Variants in FHIT observed in about 807,000 individuals in gnomAD.
The protein encoded by FHIT is fragile histidine triad diadenosine triphosphatase, also known as bis(5'-adenosyl)-triphosphatase.
Under a neutral mutation model 17.9 loss-of-function variants are expected in FHIT, and 19 were observed. That is an observed-to-expected ratio of 1.06 (90% CI 0.74 to 1.56). FHIT has a LOEUF of 1.56. FHIT is among the 40% of genes most tolerant of loss of function. FHIT has a pLI of 0.00. For synonymous variants in FHIT, 81 were observed against 69.7 expected (o/e 1.16, Z -0.81); for missense variants, 248 against 189.2 (o/e 1.31, Z -1.82).
intron 5 of FHIT, among the ~76,000 whole-genome samples, chr3:60,423,194 C>G (rs1282027910): frequency 6.6e-6 from 1 of 151,990 alleles, no homozygotes; most frequent in African/African-American, 2.4e-5. Context: ...AATTCAGGTC[C>G]TTGAGTAGAG....
intron 3 of FHIT, among the ~76,000 whole-genome samples, chr3:60,961,139 A>G (rs147316469): frequency 0.37 from 56,428 of 151,942 alleles, 11,306 homozygotes; most frequent in East Asian, 0.6. Flanking sequence ...ATGGTGTGAG[A>G]TGGTATCTCA....
intron 5 of FHIT, among the ~76,000 whole-genome samples, chr3:60,250,935 T>C (rs1705677602): frequency 6.6e-6 from 1 of 152,132 alleles, no homozygotes. Context: ...AAAAACTCAT[T>C]GTCTGAGTGG....
At chr3:59,775,983 C>A (rs1390196463) in intron 8 of FHIT, among the ~76,000 whole-genome samples, 1 of 152,242 alleles carries the variant, frequency 6.6e-6, no homozygotes, top group Non-Finnish European at 1.5e-5. Flanking sequence ...CATGATGGAG[C>A]ACATTATCCC....
chr3:60,219,989 G>A (rs1443380420), intron 5 of FHIT, among the ~76,000 whole-genome samples: 2 of 152,098 alleles, frequency 1.3e-5, no homozygotes, highest in Non-Finnish European at 2.9e-5. Context: ...AAAATCCTTT[G>A]GAGTGGCTCA....
At position 59,876,594 on chromosome 3, in the gene FHIT, T is replaced by C. The variant is rs553190983; in HGVS notation, c.348+45752A>G. Among the ~76,000 whole-genome samples the C allele has an allele frequency of 3.3e-5, 5 of 152,234 alleles. 1 individual carries two copies. The highest frequency in any genetic ancestry group is 6.5e-5 in the Admixed American group (1 of 15,298). On this transcript the variant is annotated intron_variant, in intron 8 of 9. Transcript: ENST00000492590. ...GAAGAGGTGGAGGGGACTCATACCT[T>C]TGGTGGGAGATAAGCCCCTGCTACA...
chr3:59,963,568 G>C (rs189934494), intron 7 of FHIT, among the ~76,000 whole-genome samples: 3 of 152,286 alleles, frequency 2.0e-5, no homozygotes, highest in Admixed American at 2.0e-4. Flanking sequence ...AACATTCACA[G>C]AGCGCCTAAC....
At chr3:60,188,167 A>T (rs979023739) in intron 5 of FHIT, among the ~76,000 whole-genome samples, 1 of 150,954 alleles carries the variant, frequency 6.6e-6, no homozygotes, top group African/African-American at 2.4e-5. Flanking sequence ...GTCAGACTCT[A>T]ACAGGTGTCT....
intron 5 of FHIT, among the ~76,000 whole-genome samples, chr3:60,237,899 G>A (rs1310972232): frequency 6.6e-6 from 1 of 152,078 alleles, no homozygotes; most frequent in East Asian, 1.9e-4. Flanking sequence ...ACTTTGGGAG[G>A]CCGAGGCGGG....
rs1705815727 is a variant in FHIT at position 60,253,195 on chromosome 3, A to AG, written c.104-239044dup. 2.0e-5 allele frequency among the ~76,000 whole-genome samples: 3 copies of AG among 152,292 alleles called. No homozygotes were observed. In the South Asian group the frequency reaches 6.2e-4, roughly 32 times the overall value. ...AAATCAAAATGCCTACTGCCAAAAA[A>AG]GGCTCATAATTAATACATTTTTACT... is the stretch of plus-strand genomic sequence containing the variant. On this transcript the variant is annotated intron_variant, in intron 5 of 9. Coordinates refer to ENST00000492590, the MANE Select transcript of FHIT (RefSeq NM_002012.4).
At chr3:61,197,024 T>C (rs1171574784) in intron 2 of FHIT, among the ~76,000 whole-genome samples, 3 of 152,110 alleles carry the variant, frequency 2.0e-5, no homozygotes, top group Non-Finnish European at 2.9e-5. Context: ...GAAGCACAAA[T>C]GTGAATACCC....
chr3:61,067,831 T>C (rs2034665385), intron 2 of FHIT, among the ~76,000 whole-genome samples: 1 of 152,230 alleles, frequency 6.6e-6, no homozygotes, highest in Non-Finnish European at 1.5e-5. Flanking sequence ...GAGTTAACCC[T>C]TTACTGAACA....
At chr3:59,826,982 C>G (rs554956939) in intron 8 of FHIT, among the ~76,000 whole-genome samples, 1 of 152,168 alleles carries the variant, frequency 6.6e-6, no homozygotes, top group Non-Finnish European at 1.5e-5. Flanking sequence ...AAAATCCTCT[C>G]ACACAATTAA....
chr3:60,132,414 T>G (rs886476398), intron 5 of FHIT, among the ~76,000 whole-genome samples: 4 of 152,090 alleles, frequency 2.6e-5, no homozygotes, highest in African/African-American at 9.7e-5. Flanking sequence ...CTTTTTGCCT[T>G]AAGAGAAAGA....
At chr3:60,317,633 G>C (rs1036527909) in intron 5 of FHIT, among the ~76,000 whole-genome samples, 1 of 141,866 alleles carries the variant, frequency 7.0e-6, no homozygotes, top group Non-Finnish European at 1.5e-5. Context: ...GTGTGTGTGT[G>C]TGTATATATA....
intron 3 of FHIT, among the ~76,000 whole-genome samples, chr3:60,955,633 T>TACACACACAC (rs1553778443): frequency 3.3e-4 from 13 of 39,538 alleles, no homozygotes; most frequent in African/African-American, 9.6e-4. Flanking sequence ...TATATATATA[T>TACACACACAC]ACACACACAC....
chr3:60,366,227 G>A lies in FHIT; in HGVS notation c.103+170633C>T, dbSNP rs575980307. Among the ~76,000 whole-genome samples the A allele has an allele frequency of 2.6e-5, 4 of 152,276 alleles. No homozygotes were observed. In the South Asian group the frequency reaches 8.3e-4, roughly 32 times the overall value. ...GTCTCACTCTGTCACCCAGGCTGGA[G>A]TGCAGTGGTGCAATCTCAGCTCAAT... On this transcript the variant is annotated intron_variant, in intron 5 of 9. Transcript: ENST00000492590.
chr3:60,396,957 G>T (rs1263850058), intron 5 of FHIT, among the ~76,000 whole-genome samples: 1 of 152,112 alleles, frequency 6.6e-6, no homozygotes. Context: ...GGGAGGATGT[G>T]GGAAGGGGCT....
intron 2 of FHIT, among the ~76,000 whole-genome samples, chr3:61,195,421 A>G (rs1195536106): frequency 6.6e-6 from 1 of 152,162 alleles, no homozygotes; most frequent in South Asian, 2.1e-4. Flanking sequence ...AAGACATGTT[A>G]TTGCTGATGG....
chr3:60,117,536 T>C (rs1705027176), intron 5 of FHIT, among the ~76,000 whole-genome samples: 1 of 145,642 alleles, frequency 6.9e-6, no homozygotes, highest in African/African-American at 2.5e-5. Flanking sequence ...GTTTATCACC[T>C]AGGTAATTAT....
Sources: allele counts gnomAD v4.1 joint callset (sites outside exome capture counted in the v4.1 genomes callset), GRCh38; gene constraint gnomAD v4.1.1; transcripts MANE v1.5; gene names NCBI Gene and HGNC (gene_info 2026-07-23, HGNC 2026-07-21).